Variants in SCFD2 observed in about 807,000 individuals in gnomAD.
SCFD2 encodes sec1 family domain containing 2.
A neutral mutation model predicts 58.9 loss-of-function variants in SCFD2; 54 were observed. That is an observed-to-expected ratio of 0.92 (90% CI 0.74 to 1.15). The LOEUF is 1.15. Among genes scored for constraint, SCFD2 ranks in the 50% most tolerant of loss-of-function variants. SCFD2 has a pLI of 0.00. For synonymous variants in SCFD2, 321 were observed against 335.9 expected, an observed-to-expected ratio of 0.96 and a Z score of 0.49; for missense variants, 805 against 836.6, an observed-to-expected ratio of 0.96 and a Z score of 0.47.
At chr4:53,163,142 C>T (rs1244096966) in intron 4 of SCFD2, among the ~76,000 whole-genome samples, 2 of 152,180 alleles carry the variant, frequency 1.3e-5, no homozygotes, top group East Asian at 3.9e-4. Context: ...CTACAAGAAT[C>T]CCAGCCAGAA....
chr4:53,173,732 G>A (rs560803957), intron 4 of SCFD2, among the ~76,000 whole-genome samples: 20 of 152,052 alleles, frequency 1.3e-4, no homozygotes, highest in African/African-American at 4.1e-4. Flanking sequence ...TTCTATTTCA[G>A]TTTTGTACTT....
chr4:53,021,608 G>A (rs116551195), intron 5 of SCFD2, among the ~76,000 whole-genome samples: 1,683 of 152,142 alleles, frequency 0.011, 15 homozygotes, highest in Middle Eastern at 0.034. Flanking sequence ...AGTTCTCCAG[G>A]GGCGCAGCGG....
chr4:52,942,985 C>T (rs368430987), intron 5 of SCFD2, among the ~76,000 whole-genome samples: 2 of 150,422 alleles, frequency 1.3e-5, no homozygotes, highest in South Asian at 4.2e-4. Context: ...GAATTTGGTA[C>T]TATCTGAATT....
intron 5 of SCFD2, among the ~76,000 whole-genome samples, chr4:52,970,736 C>A (rs1359812369): frequency 6.6e-6 from 1 of 152,222 alleles, no homozygotes; most frequent in Non-Finnish European, 1.5e-5. Context: ...GGGTCCCTGA[C>A]CCCCGAGTAG....
At chr4:52,885,695 C>G in intron 8 of SCFD2, 52 bp downstream of exon 8, 2 of 1,607,454 alleles carry the variant, frequency 1.2e-6, no homozygotes, top group Non-Finnish European at 1.7e-6. Context: ...CCTCACCCAC[C>G]CTTCACACCC....
At chr4:53,309,354 G>C (rs1732616820) in intron 3 of SCFD2, among the ~76,000 whole-genome samples, 1 of 152,198 alleles carries the variant, frequency 6.6e-6, no homozygotes, top group Non-Finnish European at 1.5e-5. Flanking sequence ...AGAGAATGGT[G>C]GTGAGTTTAT....
Position 53,255,626 on chromosome 4 carries a change from A to C in SCFD2, c.1311+18200T>G, listed in dbSNP as rs1730584204. On this transcript the variant is annotated intron_variant, in intron 4 of 8. Transcript: ENST00000401642. ...CATGTCTACTTCTTTCTACACAGAC[A>C]CGGCAACCATCCGATTTCTCAATCT... is the stretch of plus-strand genomic sequence containing the variant. Among the ~76,000 whole-genome samples the C allele has an allele frequency of 3.9e-5, 6 of 152,320 alleles. No homozygotes were observed. The South Asian group carries it at 1.2e-3, about 32-fold the overall frequency.
At chr4:53,247,821 A>C (rs1730151710) in intron 4 of SCFD2, among the ~76,000 whole-genome samples, 1 of 122,096 alleles carries the variant, frequency 8.2e-6, no homozygotes, top group Admixed American at 9.9e-5. Context: ...AGATTGCGCC[A>C]CTGCAGTCCG....
intron 3 of SCFD2, among the ~76,000 whole-genome samples, chr4:53,289,757 C>T (rs1488638997): frequency 6.6e-6 from 1 of 152,072 alleles, no homozygotes; most frequent in Non-Finnish European, 1.5e-5. Flanking sequence ...TTTAAGGACA[C>T]ACTTAGGCTG....
intron 4 of SCFD2, among the ~76,000 whole-genome samples, chr4:53,158,800 GA>G (rs1016090355): frequency 6.6e-6 from 1 of 152,202 alleles, no homozygotes; most frequent in African/African-American, 2.4e-5. Flanking sequence ...TTTTCTGACA[GA>G]TTACAATTAA....
intron 3 of SCFD2, among the ~76,000 whole-genome samples, chr4:53,292,137 G>T (rs189776880): frequency 6.6e-6 from 1 of 152,092 alleles, no homozygotes; most frequent in East Asian, 1.9e-4. Flanking sequence ...ACATAGGCAT[G>T]GGCAAAGATT....
At chr4:53,042,198 G>A (rs966379439) in intron 5 of SCFD2, among the ~76,000 whole-genome samples, 4 of 152,122 alleles carry the variant, frequency 2.6e-5, no homozygotes, top group Non-Finnish European at 5.9e-5. Context: ...TATACACCAC[G>A]GTGGTGGATT....
chr4:53,013,160 G>A (rs971042598), intron 5 of SCFD2, among the ~76,000 whole-genome samples: 2 of 152,168 alleles, frequency 1.3e-5, no homozygotes, highest in African/African-American at 4.8e-5. Context: ...CTTAGAATAG[G>A]CCATTCTTCC....
intron 3 of SCFD2, among the ~76,000 whole-genome samples, chr4:53,287,941 T>C (rs1731720684): frequency 6.6e-6 from 1 of 151,820 alleles, no homozygotes; most frequent in African/African-American, 2.4e-5. Context: ...ATTCAATGAA[T>C]TAAAAAAATA....
rs1722548736 is a variant in SCFD2 at position 53,028,969 on chromosome 4, A to T, written c.1562-108099T>A. Among the ~76,000 whole-genome samples the T allele has an allele frequency of 2.0e-5, 3 of 152,238 alleles. No homozygotes were observed. The South Asian group carries it at 6.2e-4, about 32-fold the overall frequency. ...TTTCATTGACAAACGCATGTTACAC[A>T]TATTTTATAGCTTGCTTTGAAATCT... On this transcript the variant is annotated intron_variant, in intron 5 of 8. Coordinates refer to ENST00000401642, the MANE Select transcript of SCFD2 (RefSeq NM_152540.4).
intron 4 of SCFD2, among the ~76,000 whole-genome samples, chr4:53,238,795 G>A (rs1279859392): frequency 6.6e-6 from 1 of 151,288 alleles, no homozygotes; most frequent in Admixed American, 6.6e-5. Flanking sequence ...TCACTTCCTA[G>A]ATGTGATGGC....
At chr4:53,009,474 T>C (rs2148806098) in intron 5 of SCFD2, among the ~76,000 whole-genome samples, 2 of 152,318 alleles carry the variant, frequency 1.3e-5, no homozygotes, top group Middle Eastern at 6.8e-3. Context: ...TTTTCAAACT[T>C]ACTTGGCTAA....
intron 6 of SCFD2, among the ~76,000 whole-genome samples, chr4:52,910,262 C>A (rs1719453646): frequency 6.6e-6 from 1 of 152,218 alleles, no homozygotes; most frequent in African/African-American, 2.4e-5. Context: ...TTTTCCTCTT[C>A]TCTGCTGGCT....
chr4:52,957,093 A>G (rs1720729325), intron 5 of SCFD2: 1 of 152,234 alleles, frequency 6.6e-6, no homozygotes, highest in Admixed American at 6.5e-5. Flanking sequence ...ACAATTCCAG[A>G]AACCACCCTG....
Sources: gnomAD v4.1 joint callset for allele counts (sites outside exome capture counted in the v4.1 genomes callset) on GRCh38, gnomAD v4.1.1 for gene constraint, MANE v1.5 for transcripts, NCBI Gene and HGNC (gene_info 2026-07-23, HGNC 2026-07-21) for gene names.